SDCCAG8: variants seen among roughly 807,000 people sequenced by gnomAD.
SDCCAG8 encodes SHH signaling and ciliogenesis regulator SDCCAG8.
In SDCCAG8, 74 loss-of-function variants were observed where a neutral mutation model predicts 101.8. That is an observed-to-expected ratio of 0.73 (90% CI 0.60 to 0.88). The LOEUF (loss-of-function observed/expected upper bound fraction) is 0.88, where lower values mean the gene tolerates loss of function less well. Ranked by LOEUF, SDCCAG8 falls within the 40% of genes least tolerant of loss-of-function variation. The probability of loss-of-function intolerance (pLI) is 0.00; values close to 1 mark genes in which losing one functional copy is unlikely to be tolerated. For synonymous variants in SDCCAG8, 281 were observed against 292.9 expected (o/e 0.96, Z 0.41); for missense variants, 787 against 822.6 (o/e 0.96, Z 0.53).
intron 13 of SDCCAG8, among the ~76,000 whole-genome samples, chr1:243,410,299 A>T (rs1375412212): frequency 6.6e-6 from 1 of 152,192 alleles, no homozygotes; most frequent in African/African-American, 2.4e-5. Context: ...AATGATGTTA[A>T]TCAAGCTATC....
chr1:243,333,634 C>G (rs2074787286), intron 10 of SDCCAG8, among the ~76,000 whole-genome samples: 1 of 152,234 alleles, frequency 6.6e-6, no homozygotes, highest in South Asian at 2.1e-4. Context: ...ATGCCACAGC[C>G]AGTGAAATTA....
At chr1:243,358,009 A>G (rs1270118901) in intron 12 of SDCCAG8, among the ~76,000 whole-genome samples, 1 of 152,214 alleles carries the variant, frequency 6.6e-6, no homozygotes, top group Admixed American at 6.5e-5. Flanking sequence ...ACATAGGCAT[A>G]CATCTTAGTG....
intron 13 of SDCCAG8, among the ~76,000 whole-genome samples, chr1:243,388,278 C>T (rs1234411358): frequency 6.6e-6 from 1 of 152,168 alleles, no homozygotes; most frequent in Non-Finnish European, 1.5e-5. Context: ...AGTAAAACAT[C>T]TTTCATTCTG....
intron 12 of SDCCAG8, among the ~76,000 whole-genome samples, chr1:243,359,325 C>T (rs57076486): frequency 0.026 from 4,030 of 152,260 alleles, 185 homozygotes; most frequent in African/African-American, 0.091. Flanking sequence ...ATGCCATTTG[C>T]ACTATAGTCA....
chr1:243,420,611 GC>G (rs1312537921), intron 15 of SDCCAG8, among the ~76,000 whole-genome samples: 5 of 152,074 alleles, frequency 3.3e-5, no homozygotes, highest in African/African-American at 1.2e-4. Context: ...CTCAACCAAG[GC>G]CTGGCAAGTA....
intron 16 of SDCCAG8, among the ~76,000 whole-genome samples, chr1:243,476,759 G>A (rs927679861): frequency 6.6e-6 from 1 of 152,192 alleles, no homozygotes; most frequent in Non-Finnish European, 1.5e-5. Flanking sequence ...ATAGAGACAT[G>A]CCAACTAAGT....
intron 17 of SDCCAG8, among the ~76,000 whole-genome samples, chr1:243,493,221 G>A (rs1314296279): frequency 6.7e-6 from 1 of 149,418 alleles, no homozygotes; most frequent in Non-Finnish European, 1.5e-5. Flanking sequence ...AAACCTTGGT[G>A]GTGGGGGTGG....
intron 10 of SDCCAG8, among the ~76,000 whole-genome samples, chr1:243,331,186 C>T (rs1023191409): frequency 2.0e-5 from 3 of 152,078 alleles, no homozygotes; most frequent in African/African-American, 4.8e-5. Context: ...TGAATAATGA[C>T]GGTAACCAGA....
chr1:243,486,331 G>A (rs2148249478), intron 16 of SDCCAG8, among the ~76,000 whole-genome samples: 1 of 151,962 alleles, frequency 6.6e-6, no homozygotes, highest in East Asian at 1.9e-4. Flanking sequence ...AGGGAGAGCT[G>A]CCCCTTCTTA....
intron 13 of SDCCAG8, among the ~76,000 whole-genome samples, chr1:243,414,427 C>T (rs947283169): frequency 3.3e-5 from 5 of 151,994 alleles, no homozygotes; most frequent in African/African-American, 9.7e-5. Context: ...GACCACATCC[C>T]GGGGGGAGGT....
Position 243,348,037 on chromosome 1 carries a change from C to CTTT in SDCCAG8, c.1473+3720_1473+3722dup, listed in dbSNP as rs1181379015. Among the ~76,000 whole-genome samples, 35 of 103,384 alleles carry CTTT rather than the reference C, an allele frequency of 3.4e-4. 1 individual carries two copies. Among genetic ancestry groups the CTTT allele is most frequent in the African/African-American group, 9.9e-4 (26 of 26,394 alleles). 67.8% of individuals were successfully genotyped at this position (103,384 alleles called of 152,430 possible). ...CTGGACATGCATTTTTTTTTTTTTTCTTTTTTTTTTTTTTTTAGGACGGAG... is the reference window on the plus strand; with the variant it reads ...CTGGACATGCATTTTTTTTTTTTTTCTTTTTTTTTTTTTTTTTTTAGGACGGAG... On this transcript the variant is annotated intron_variant, in intron 12 of 17. Transcript: ENST00000366541.
intron 12 of SDCCAG8, among the ~76,000 whole-genome samples, chr1:243,354,106 AT>A (rs1447388556): frequency 6.6e-6 from 1 of 152,200 alleles, no homozygotes; most frequent in African/African-American, 2.4e-5. Flanking sequence ...TTTCCAGCTA[AT>A]TTCCTGAGCA....
intron 1 of SDCCAG8, among the ~76,000 whole-genome samples, chr1:243,258,315 A>G (rs1331219973): frequency 6.6e-6 from 1 of 152,222 alleles, no homozygotes; most frequent in Non-Finnish European, 1.5e-5. Flanking sequence ...AGCTTATATA[A>G]CAGCTTCTGG....
At chr1:243,479,466 G>A (rs1436224558) in intron 16 of SDCCAG8, among the ~76,000 whole-genome samples, 2 of 152,328 alleles carry the variant, frequency 1.3e-5, no homozygotes, top group Non-Finnish European at 2.9e-5. Context: ...GCATGGCTGG[G>A]TTTCAATGAA....
intron 17 of SDCCAG8, among the ~76,000 whole-genome samples, chr1:243,490,809 G>A (rs1260763984): frequency 6.6e-6 from 1 of 152,198 alleles, no homozygotes; most frequent in Non-Finnish European, 1.5e-5. Context: ...CCTCCCCTCT[G>A]CTTTCAGGAT....
chr1:243,373,172 A>G (rs746711404), intron 12 of SDCCAG8, among the ~76,000 whole-genome samples: 9 of 152,022 alleles, frequency 5.9e-5, no homozygotes, highest in Non-Finnish European at 1.2e-4. Context: ...AAGCAACTGC[A>G]TAATTTATTG....
intron 16 of SDCCAG8, among the ~76,000 whole-genome samples, chr1:243,483,053 A>G (rs900646754): frequency 1.3e-5 from 2 of 152,196 alleles, no homozygotes; most frequent in African/African-American, 4.8e-5. Context: ...AAAAGGCTAA[A>G]AACAAGACAC....
Position 243,315,751 on chromosome 1 carries a change from C to G in SDCCAG8, c.930-1004C>G, listed in dbSNP as rs569063019. ...TAATTAAAAAAAAATCATAGTTGGC[C>G]CTTTTCTCATAGTTTAGACCTTGGC... On this transcript the variant is annotated intron_variant, in intron 8 of 17. Transcript: ENST00000366541. Among the ~76,000 whole-genome samples, 39 of 152,194 alleles carry G rather than the reference C, an allele frequency of 2.6e-4. No homozygotes were observed. The South Asian group carries it at 6.8e-3, about 27-fold the overall frequency.
intron 16 of SDCCAG8, among the ~76,000 whole-genome samples, chr1:243,442,504 G>T (rs542200246): frequency 1.3e-5 from 2 of 152,186 alleles, no homozygotes; most frequent in East Asian, 3.9e-4. Context: ...CCATTCAAGT[G>T]TGTCTCAGTG....
Sources: gnomAD v4.1 joint callset for allele counts (sites outside exome capture counted in the v4.1 genomes callset) on GRCh38, gnomAD v4.1.1 for gene constraint, MANE v1.5 for transcripts, NCBI Gene and HGNC (gene_info 2026-07-23, HGNC 2026-07-21) for gene names.